Variants in AZIN2 observed in about 807,000 individuals in gnomAD.
AZIN2 encodes antizyme inhibitor 2.
A neutral mutation model predicts 47.8 loss-of-function variants in AZIN2; 28 were observed. The observed-to-expected ratio is 0.59, with a 90% CI of 0.43 to 0.80. The LOEUF (loss-of-function observed/expected upper bound fraction) is 0.80, where lower values mean the gene tolerates loss of function less well. Among genes scored for constraint, AZIN2 ranks in the 30% least tolerant of loss-of-function variants. The pLI is 0.00. For synonymous variants in AZIN2, 221 were observed against 239.4 expected (o/e 0.92, Z 0.71); for missense variants, 535 against 582.5 (o/e 0.92, Z 0.84).
the AZIN2 span, among the ~76,000 whole-genome samples, chr1:33,151,916 C>G: frequency 6.6e-6 from 1 of 152,346 alleles, no homozygotes; most frequent in African/African-American, 2.4e-5. Context: ...TCTTTGTTCT[C>G]AAGAACAGAG....
At chr1:33,110,851 G>T (rs1451495723) in intron 10 of AZIN2, among the ~76,000 whole-genome samples, 22 of 152,204 alleles carry the variant, frequency 1.4e-4, no homozygotes, top group Non-Finnish European at 8.8e-5. Context: ...TAACTGTAAA[G>T]GTGGTTCATT....
the AZIN2 span, among the ~76,000 whole-genome samples, chr1:33,140,653 G>A: frequency 6.6e-5 from 10 of 152,198 alleles, no homozygotes; most frequent in Non-Finnish European, 1.2e-4. This position sits in a 1 kb window ranked among gnomAD's most constrained non-coding sequence, Gnocchi z 4.0. Flanking sequence ...ACTTACCTGG[G>A]ACTCCCTGCA....
At position 33,098,194 on chromosome 1, in the gene AZIN2, C is replaced by A; in HGVS notation, c.1029+15C>A. On this transcript the variant is annotated intron_variant, in intron 10 of 11. Coordinates refer to ENST00000294517, the MANE Select transcript of AZIN2 (RefSeq NM_052998.4). ...TCCTGCAGAAGGTGAGCTTACCCCA[C>A]GTGGGCCTGTTTTCAGTTGTGTGTG... is the stretch of plus-strand genomic sequence containing the variant. The A allele has an allele frequency of 6.4e-7, 1 of 1,571,578 alleles. No individual in the cohort carries two copies. Among genetic ancestry groups the A allele is most frequent in the African/African-American group, 1.4e-5 (1 of 73,974 alleles).
the AZIN2 span, chr1:33,159,690 C>T: frequency 6.2e-6 from 10 of 1,606,296 alleles, no homozygotes; most frequent in African/African-American, 1.1e-4. The surrounding 1 kb of genome is among the most constrained non-coding windows in gnomAD (Gnocchi z 4.2). Context: ...GCACTTACCG[C>T]TCGGACAGTG....
the AZIN2 span, among the ~76,000 whole-genome samples, chr1:33,149,310 G>A: frequency 6.6e-6 from 1 of 151,980 alleles, no homozygotes; most frequent in Non-Finnish European, 1.5e-5. Flanking sequence ...GCGCCACCAC[G>A]CCTGGCTAAT....
intron 5 of AZIN2, among the ~76,000 whole-genome samples, chr1:33,084,472 T>A (rs1641654968): frequency 6.6e-6 from 1 of 151,230 alleles, no homozygotes; most frequent in African/African-American, 2.5e-5. Context: ...TTTCCTTTTA[T>A]AATCATAATA....
intron 5 of AZIN2, among the ~76,000 whole-genome samples, chr1:33,084,675 C>A (rs1321144048): frequency 1.3e-5 from 2 of 152,106 alleles, no homozygotes; most frequent in African/African-American, 4.8e-5. Flanking sequence ...TGGCTCACTG[C>A]AACCTTCGCC....
In AZIN2 at chr1:33,123,133, C is replaced by A. The variant is rs1644825591; in HGVS notation, c.*2951C>A. On this transcript the variant is annotated 3_prime_UTR_variant, in exon 12 of 12. Coordinates refer to ENST00000294517, the MANE Select transcript of AZIN2 (RefSeq NM_052998.4). ...CTTCCTGGGTTATCTGTGGGCCTCACTCACTTCATTCAGGTTCTGTGCAAA... is the reference window on the plus strand; with the variant it reads ...CTTCCTGGGTTATCTGTGGGCCTCAATCACTTCATTCAGGTTCTGTGCAAA... Among the ~76,000 whole-genome samples, 1 of 152,230 alleles carries A rather than the reference C, an allele frequency of 6.6e-6. No individual in the cohort carries two copies.
chr1:33,147,086 C>T, the AZIN2 span: 26 of 1,450,646 alleles, frequency 1.8e-5, no homozygotes, highest in East Asian at 1.8e-4. This position sits in a 1 kb window ranked among gnomAD's most constrained non-coding sequence, Gnocchi z 8.1. Flanking sequence ...CCAGTGGCCA[C>T]GGTGGGCTGG....
downstream of AZIN2, among the ~76,000 whole-genome samples, chr1:33,125,919 T>C (rs1644853447): frequency 6.6e-6 from 1 of 152,112 alleles, no homozygotes; most frequent in Admixed American, 6.5e-5. Context: ...CCCAGCACTT[T>C]GGGAGGCTGA....
chr1:33,165,221 C>A, the AZIN2 span: 36 of 387,630 alleles, frequency 9.3e-5, no homozygotes, highest in African/African-American at 6.9e-4. This position sits in a 1 kb window ranked among gnomAD's most constrained non-coding sequence, Gnocchi z 4.0. Flanking sequence ...GGAGAAATGG[C>A]CCCGTCCTTA....
Position 33,120,300 on chromosome 1 carries a change from C to A in AZIN2, c.*118C>A. On this transcript the variant is annotated 3_prime_UTR_variant, in exon 12 of 12. Coordinates refer to ENST00000294517, the MANE Select transcript of AZIN2 (RefSeq NM_052998.4). ...AGGACTCTGGTGCCCACCCTGCCAC[C>A]CCCGCGCTCCACCTGCAGTGTTTCT... 1.4e-6 allele frequency: 2 copies of A among 1,395,962 alleles called. No homozygotes were observed. Among genetic ancestry groups the A allele is most frequent in the Non-Finnish European group, 1.9e-6 (2 of 1,034,308 alleles). The allele number at this position is 1,395,962 out of a possible 1,614,324, so 86.5% of individuals were successfully genotyped here.
At chr1:33,106,476 A>G (rs2124611415) in intron 10 of AZIN2, among the ~76,000 whole-genome samples, 1 of 152,314 alleles carries the variant, frequency 6.6e-6, no homozygotes, top group Middle Eastern at 3.4e-3. Context: ...AGAAAATTAC[A>G]GGCCATGTTC....
chr1:33,147,082 G>T, the AZIN2 span: 1 of 1,413,420 alleles, frequency 7.1e-7, no homozygotes, highest in Non-Finnish European at 9.7e-7. This position sits in a 1 kb window ranked among gnomAD's most constrained non-coding sequence, Gnocchi z 8.1. Context: ...GTCTCCAGTG[G>T]CCACGGTGGG....
the AZIN2 span, among the ~76,000 whole-genome samples, chr1:33,137,996 T>C: frequency 6.6e-6 from 1 of 152,084 alleles, no homozygotes; most frequent in Non-Finnish European, 1.5e-5. Flanking sequence ...TTCTACTTAC[T>C]GCACCGGTAG....
chr1:33,099,398 G>C (rs945910263), intron 10 of AZIN2, among the ~76,000 whole-genome samples: 14 of 152,174 alleles, frequency 9.2e-5, no homozygotes, highest in Non-Finnish European at 7.3e-5. Context: ...GCTGAGGAAT[G>C]CTGAGCTCTC....
chr1:33,125,804 ATC>A (rs1466360821), downstream of AZIN2, among the ~76,000 whole-genome samples: 3 of 151,964 alleles, frequency 2.0e-5, no homozygotes, highest in South Asian at 2.1e-4. Flanking sequence ...CTCTGCATAG[ATC>A]TCTCTCCCTC....
intron 10 of AZIN2, among the ~76,000 whole-genome samples, chr1:33,100,188 G>A (rs1643562235): frequency 1.3e-5 from 2 of 152,044 alleles, no homozygotes; most frequent in Non-Finnish European, 2.9e-5. Context: ...GGGCATGATG[G>A]CACATGCCTG....
At chr1:33,105,408 C>T (rs763308484) in intron 10 of AZIN2, among the ~76,000 whole-genome samples, 30 of 151,906 alleles carry the variant, frequency 2.0e-4, no homozygotes, top group Non-Finnish European at 1.2e-4. Context: ...CTCACACTGC[C>T]AAAAAGGAAT....
Sources: gnomAD v4.1 joint callset for allele counts (sites outside exome capture counted in the v4.1 genomes callset) on GRCh38, gnomAD v4.1.1 for gene constraint, Gnocchi (gnomAD v3.1) non-coding constraint, MANE v1.5 for transcripts, NCBI Gene and HGNC (gene_info 2026-07-23, HGNC 2026-07-21) for gene names.